The following CACNA1D variants were observed in gnomAD, a reference collection of about 807,000 sequenced individuals.
CACNA1D encodes voltage-dependent L-type calcium channel subunit alpha-1D.
CACNA1D carries 55 observed loss-of-function variants against 257.1 expected under a neutral mutation model. The ratio of observed to expected loss-of-function variants is 0.21; its 90% confidence interval spans 0.17 to 0.27. The LOEUF (loss-of-function observed/expected upper bound fraction) is 0.27, where lower values mean the gene tolerates loss of function less well. CACNA1D is among the 10% of genes least tolerant of loss of function. The probability of loss-of-function intolerance (pLI) is 1.00; values close to 1 mark genes in which losing one functional copy is unlikely to be tolerated. For synonymous variants in CACNA1D, 980 were observed against 1,014.9 expected (o/e 0.97, Z 0.65); for missense variants, 1,876 against 2,784.0 (o/e 0.67, Z 7.34).
At chr3:53,744,060 A>G (rs976719608) in intron 22 of CACNA1D, among the ~76,000 whole-genome samples, 2 of 152,058 alleles carry the variant, frequency 1.3e-5, no homozygotes, top group Non-Finnish European at 1.5e-5. Flanking sequence ...TTCTGGCCAC[A>G]CTCAGCCACC....
intron 33 of CACNA1D, chr3:53,773,983 C>G (rs1465487848): frequency 6.5e-6 from 1 of 154,200 alleles, no homozygotes; most frequent in Non-Finnish European, 1.4e-5. Flanking sequence ...TTCCCATTGC[C>G]CTGAAGATAA....
chr3:53,512,407 G>A (rs1454356181), intron 3 of CACNA1D, among the ~76,000 whole-genome samples: 1 of 152,164 alleles, frequency 6.6e-6, no homozygotes, highest in Non-Finnish European at 1.5e-5. Context: ...TCAGTTAATT[G>A]ATGTTATTAA....
intron 3 of CACNA1D, among the ~76,000 whole-genome samples, chr3:53,636,646 A>G (rs945024749): frequency 2.0e-5 from 3 of 152,224 alleles, no homozygotes; most frequent in African/African-American, 7.2e-5. Context: ...TTTCCTGTGC[A>G]ATGTGATATT....
chr3:53,787,542 C>T (rs1314032322), intron 40 of CACNA1D, among the ~76,000 whole-genome samples: 5 of 151,930 alleles, frequency 3.3e-5, no homozygotes, highest in Non-Finnish European at 5.9e-5. Context: ...TCTCATGCCC[C>T]AGCCAGCCTC....
intron 3 of CACNA1D, among the ~76,000 whole-genome samples, chr3:53,513,834 A>G (rs1345640003): frequency 6.6e-6 from 1 of 152,018 alleles, no homozygotes. Context: ...CCTTTTGTAT[A>G]TTTAGATACA....
At chr3:53,702,312 C>G (rs748699586) in intron 8 of CACNA1D, among the ~76,000 whole-genome samples, 1 of 152,314 alleles carries the variant, frequency 6.6e-6, no homozygotes, top group South Asian at 2.1e-4. Context: ...GTTCAGGCCC[C>G]TTGTTGGGGG....
At chr3:53,634,829 C>T (rs191967079) in intron 3 of CACNA1D, among the ~76,000 whole-genome samples, 11 of 152,222 alleles carry the variant, frequency 7.2e-5, no homozygotes, top group Admixed American at 7.2e-4. Context: ...CAGTGCCTTG[C>T]CTAGGGCCAC....
intron 3 of CACNA1D, among the ~76,000 whole-genome samples, chr3:53,555,344 A>G (rs1559834351): frequency 1.3e-5 from 2 of 152,018 alleles, no homozygotes; most frequent in Non-Finnish European, 2.9e-5. Flanking sequence ...GATGCAGGAT[A>G]GGGCTTTGCC....
At chr3:53,636,697 A>G (rs2093888308) in intron 3 of CACNA1D, among the ~76,000 whole-genome samples, 1 of 152,266 alleles carries the variant, frequency 6.6e-6, no homozygotes, top group African/African-American at 2.4e-5. Context: ...ATTGCTGGAT[A>G]CAAAGCACTG....
chr3:53,754,637 C>T (rs1215894232), intron 29 of CACNA1D, among the ~76,000 whole-genome samples: 1 of 152,196 alleles, frequency 6.6e-6, no homozygotes, highest in Non-Finnish European at 1.5e-5. Flanking sequence ...TTCCCTCATT[C>T]TAAAAGCCTA....
intron 3 of CACNA1D, among the ~76,000 whole-genome samples, chr3:53,578,604 G>A (rs894316600): frequency 1.3e-5 from 2 of 152,114 alleles, no homozygotes; most frequent in African/African-American, 4.8e-5. Flanking sequence ...TGATTCCTGG[G>A]TTTCTGGAGG....
At chr3:53,593,185 G>T (rs1023964029) in intron 3 of CACNA1D, among the ~76,000 whole-genome samples, 4 of 152,142 alleles carry the variant, frequency 2.6e-5, no homozygotes, top group African/African-American at 4.8e-5. Flanking sequence ...CTACTGTTTT[G>T]AAACTGTCAT....
chr3:53,720,003 G>C (rs1363672254), intron 11 of CACNA1D, among the ~76,000 whole-genome samples: 1 of 152,072 alleles, frequency 6.6e-6, no homozygotes. Context: ...ACTCAGTAAC[G>C]AGTTTTGCCT....
rs1239061496 is a variant in CACNA1D at position 53,723,352 on chromosome 3, TAGGG to T, written c.1667-74_1667-71del. 1.1e-5 allele frequency: 10 copies of T among 949,054 alleles called. No homozygotes were observed. The highest frequency in any genetic ancestry group is 1.3e-5 in the South Asian group (1 of 77,518). The allele number at this position is 949,054 out of a possible 1,614,324, so 58.8% of individuals were successfully genotyped here. Reference sequence around the variant, plus strand: ...TTGGCGTATTTCCTGTGGGGCCTGATAGGGAGGGAGGTGTGAGGGGCACGAGCAG... The same window carrying T: ...TTGGCGTATTTCCTGTGGGGCCTGATAGGGAGGTGTGAGGGGCACGAGCAG... On this transcript the variant is annotated intron_variant, in intron 12 of 47. Transcript: ENST00000350061. The surrounding 1 kb of genome is among the most constrained non-coding windows in gnomAD (Gnocchi z 5.6).
chr3:53,801,274 TCAA>T lies in CACNA1D; in HGVS notation c.5261_5263del (p.Thr1754del). ...TTCCATAGGAAAGCAAGTTCCCACCTCAACAAATGCCAATCTCAATAATGCCAA... is the reference window on the plus strand; with the variant it reads ...TTCCATAGGAAAGCAAGTTCCCACCTCAAATGCCAATCTCAATAATGCCAA... On this transcript the variant is annotated inframe_deletion, in exon 42 of 48. Transcript: ENST00000350061. 1 of 1,614,042 alleles carries T rather than the reference TCAA, an allele frequency of 6.2e-7. No individual in the cohort carries two copies. Among genetic ancestry groups the T allele is most frequent in the Non-Finnish European group, 8.5e-7 (1 of 1,180,004 alleles).
intron 3 of CACNA1D, among the ~76,000 whole-genome samples, chr3:53,605,636 C>T (rs777706111): frequency 1.9e-4 from 29 of 152,190 alleles, no homozygotes; most frequent in Non-Finnish European, 3.8e-4. Context: ...GTGTGGCCCA[C>T]CTTTAAGACA....
chr3:53,518,790 T>A (rs1040868187), intron 3 of CACNA1D, among the ~76,000 whole-genome samples: 1 of 152,244 alleles, frequency 6.6e-6, no homozygotes, highest in Non-Finnish European at 1.5e-5. Flanking sequence ...GTGCAATGTG[T>A]CATGGGCTCT....
At position 53,810,758 on chromosome 3, in the gene CACNA1D, C is replaced by CAAAAAAAAAAAA. The variant is rs71074934; in HGVS notation, c.6193-338_6193-327dup. On this transcript the variant is annotated intron_variant, in intron 47 of 47. Transcript: ENST00000350061. ...GGGCCACAGAGCGAGACTCTTGTCT[C>CAAAAAAAAAAAA]AAAAAAAAAAAAAAAAAAAAAAAAA... 6.0e-4 allele frequency among the ~76,000 whole-genome samples: 41 copies of CAAAAAAAAAAAA among 68,292 alleles called. 2 individuals carry two copies. The highest frequency in any genetic ancestry group is 2.2e-3 in the African/African-American group (26 of 11,868). 44.8% of individuals were successfully genotyped at this position (68,292 alleles called of 152,430 possible).
chr3:53,771,496 C>T (rs775201887), intron 32 of CACNA1D, among the ~76,000 whole-genome samples: 44 of 152,182 alleles, frequency 2.9e-4, no homozygotes, highest in Middle Eastern at 3.4e-3. Context: ...GGACAGCAAG[C>T]GGGGTGGTGC....
Sources: gnomAD v4.1 joint callset for allele counts (sites outside exome capture counted in the v4.1 genomes callset) on GRCh38, gnomAD v4.1.1 for gene constraint, Gnocchi (gnomAD v3.1) non-coding constraint, MANE v1.5 for transcripts, NCBI Gene and HGNC (gene_info 2026-07-23, HGNC 2026-07-21) for gene names.